The following PXDNL variants were observed in gnomAD, a reference collection of about 807,000 sequenced individuals.
PXDNL encodes the protein probable oxidoreductase PXDNL.
PXDNL carries 145 observed loss-of-function variants against 150.8 expected under a neutral mutation model. The observed-to-expected ratio is 0.96, with a 90% CI of 0.84 to 1.10. PXDNL has a LOEUF of 1.10. Ranked by LOEUF, PXDNL falls within the 50% of genes least tolerant of loss-of-function variation. The probability of loss-of-function intolerance (pLI) is 0.00; values close to 1 mark genes in which losing one functional copy is unlikely to be tolerated. For missense variants in PXDNL, 2,087 were observed against 1,873.9 expected, an observed-to-expected ratio of 1.11 and a Z score of -2.10; for synonymous variants, 757 against 725.7, an observed-to-expected ratio of 1.04 and a Z score of -0.69.
intron 2 of PXDNL, among the ~76,000 whole-genome samples, chr8:51,601,951 G>A (rs1472142988): frequency 6.6e-6 from 1 of 151,962 alleles, no homozygotes; most frequent in Non-Finnish European, 1.5e-5. Context: ...TGCTTGTCTG[G>A]AAAAGATTTT....
intron 19 of PXDNL, among the ~76,000 whole-genome samples, chr8:51,359,239 C>T (rs915350620): frequency 2.0e-5 from 3 of 151,942 alleles, no homozygotes; most frequent in East Asian, 1.9e-4. Flanking sequence ...ACCCAAGAGA[C>T]AGAGATGACA....
chr8:51,610,880 C>G (rs1813984536), intron 2 of PXDNL, among the ~76,000 whole-genome samples: 1 of 152,172 alleles, frequency 6.6e-6, no homozygotes, highest in Admixed American at 6.5e-5. Context: ...AGGCCAGGCC[C>G]ACACAAGATG....
rs554309616 is a variant in PXDNL, at chr8:51,386,974, G to A, written c.3558-12243C>T. On this transcript the variant is annotated intron_variant, in intron 17 of 22. Transcript: ENST00000356297. ...CAAAACTATTTTGGCTTGATGCTCT[G>A]ACTTTTTTTCCAGTCTTATGAAGTC... is the stretch of plus-strand genomic sequence containing the variant. Among the ~76,000 whole-genome samples the A allele has an allele frequency of 1.5e-3, 225 of 152,252 alleles. 1 individual carries two copies. Among genetic ancestry groups the A allele is most frequent in the Middle Eastern group, 0.01 (3 of 294 alleles).
At chr8:51,608,011 A>G (rs1370104804) in intron 2 of PXDNL, among the ~76,000 whole-genome samples, 2 of 69,276 alleles carry the variant, frequency 2.9e-5, no homozygotes, top group African/African-American at 1.7e-4. Context: ...GGAAGAAAGA[A>G]AGAAAGAAAG....
chr8:51,386,827 A>G (rs1020820229), intron 17 of PXDNL, among the ~76,000 whole-genome samples: 1 of 151,748 alleles, frequency 6.6e-6, no homozygotes, highest in Non-Finnish European at 1.5e-5. Flanking sequence ...TCATCTTGAA[A>G]AAAAAAAAAA....
intron 6 of PXDNL, among the ~76,000 whole-genome samples, chr8:51,475,666 G>A (rs554358666): frequency 6.6e-6 from 1 of 152,058 alleles, no homozygotes; most frequent in African/African-American, 2.4e-5. Flanking sequence ...GGGTACATAT[G>A]CAGTTTGTTA....
intron 1 of PXDNL, among the ~76,000 whole-genome samples, chr8:51,723,289 G>A (rs1816763997): frequency 6.6e-6 from 1 of 152,144 alleles, no homozygotes; most frequent in Non-Finnish European, 1.5e-5. Flanking sequence ...CAAATTGAGA[G>A]TCAAATGGAC....
chr8:51,365,517 T>C lies in PXDNL; in HGVS notation c.3901+6356A>G, dbSNP rs530480656. On this transcript the variant is annotated intron_variant, in intron 19 of 22. Transcript: ENST00000356297. Reference sequence around the variant, plus strand: ...TTTATGGGACCCCAGGTAAGGAGCATACTCCAAGCTCTTGGTATTATCCTC... The same window carrying C: ...TTTATGGGACCCCAGGTAAGGAGCACACTCCAAGCTCTTGGTATTATCCTC... 3.0e-3 allele frequency among the ~76,000 whole-genome samples: 456 copies of C among 152,332 alleles called. 2 individuals carry two copies. The highest frequency in any genetic ancestry group is 0.01 in the African/African-American group (432 of 41,578).
At chr8:51,436,790 T>A (rs1809417880) in intron 12 of PXDNL, among the ~76,000 whole-genome samples, 1 of 151,778 alleles carries the variant, frequency 6.6e-6, no homozygotes. Flanking sequence ...AGGTCACACC[T>A]CAAGGAACTA....
At position 51,785,086 on chromosome 8, in the gene PXDNL, T is replaced by C. The variant is rs1453872069; in HGVS notation, c.164+24095A>G. ...GAAACTCCTGGGCTTACCATCAAGA[T>C]CTTTAGTGGAATTAAACATTTTAGA... On this transcript the variant is annotated intron_variant, in intron 1 of 22. Coordinates refer to ENST00000356297, the MANE Select transcript of PXDNL (RefSeq NM_144651.5). 2.6e-5 allele frequency among the ~76,000 whole-genome samples: 4 copies of C among 152,182 alleles called. No individual in the cohort carries two copies. The East Asian group carries it at 7.7e-4, about 29-fold the overall frequency.
At chr8:51,580,719 T>C (rs1407348354) in intron 3 of PXDNL, among the ~76,000 whole-genome samples, 1 of 152,290 alleles carries the variant, frequency 6.6e-6, no homozygotes, top group Admixed American at 6.5e-5. Flanking sequence ...CCAAGTAGCT[T>C]ATCACTTTGT....
At chr8:51,682,750 G>A (rs996193215) in intron 1 of PXDNL, among the ~76,000 whole-genome samples, 7 of 151,790 alleles carry the variant, frequency 4.6e-5, no homozygotes, top group Non-Finnish European at 7.4e-5. Context: ...ATGACCATAC[G>A]AGAGAGAGAG....
intron 3 of PXDNL, among the ~76,000 whole-genome samples, chr8:51,579,147 C>A (rs1813152544): frequency 6.6e-6 from 1 of 151,900 alleles, no homozygotes; most frequent in South Asian, 2.1e-4. Flanking sequence ...CTTCAAAAGA[C>A]CCTGTTAAGA....
At chr8:51,654,051 C>G (rs1815098945) in intron 2 of PXDNL, among the ~76,000 whole-genome samples, 1 of 152,164 alleles carries the variant, frequency 6.6e-6, no homozygotes, top group Non-Finnish European at 1.5e-5. Flanking sequence ...AATGTCAGAC[C>G]ATCAGTTGTA....
chr8:51,493,464 C>A (rs562121967), intron 5 of PXDNL, among the ~76,000 whole-genome samples: 4 of 152,080 alleles, frequency 2.6e-5, no homozygotes, highest in African/African-American at 9.7e-5. Context: ...GAGAAGGTGT[C>A]AGATGATCAA....
chr8:51,360,085 T>TCCA (rs1399312509), intron 19 of PXDNL, among the ~76,000 whole-genome samples: 1 of 151,902 alleles, frequency 6.6e-6, no homozygotes. Flanking sequence ...GCAAGCATTT[T>TCCA]CCACCTATAT....
At chr8:51,663,794 T>C (rs1436063420) in intron 1 of PXDNL, among the ~76,000 whole-genome samples, 2 of 152,020 alleles carry the variant, frequency 1.3e-5, no homozygotes, top group African/African-American at 4.8e-5. Context: ...GTGGGTGCTG[T>C]AATCCCAGCA....
At chr8:51,647,850 A>G (rs1181395270) in intron 2 of PXDNL, among the ~76,000 whole-genome samples, 4 of 152,172 alleles carry the variant, frequency 2.6e-5, no homozygotes, top group African/African-American at 4.8e-5. Flanking sequence ...AATATTTATT[A>G]TTAGAATTTA....
rs185832484 is a variant in PXDNL, at chr8:51,460,766, C to T, written c.813-3099G>A. 7.1e-3 allele frequency among the ~76,000 whole-genome samples: 1,076 copies of T among 152,064 alleles called. 8 individuals carry two copies. Among genetic ancestry groups the T allele is most frequent in the Non-Finnish European group, 0.012 (822 of 67,982 alleles). On this transcript the variant is annotated intron_variant, in intron 8 of 22. Transcript: ENST00000356297. ...ACATTTTAATTGGTGGAGGATCTGC[C>T]GGAGAGAAGGCAGAGGCAGAGCATG...
Sources: gnomAD v4.1 joint callset for allele counts (sites outside exome capture counted in the v4.1 genomes callset) on GRCh38, gnomAD v4.1.1 for gene constraint, MANE v1.5 for transcripts, NCBI Gene and HGNC (gene_info 2026-07-23, HGNC 2026-07-21) for gene names.